CSMD3: variants seen among roughly 807,000 people sequenced by gnomAD.
CSMD3 encodes the protein CUB and sushi domain-containing protein 3.
CSMD3 carries 177 observed loss-of-function variants against 435.2 expected under a neutral mutation model. The ratio of observed to expected loss-of-function variants is 0.41; its 90% CI spans 0.36 to 0.46. The LOEUF (loss-of-function observed/expected upper bound fraction) is 0.46. Among genes scored for constraint, CSMD3 ranks in the 20% least tolerant of loss-of-function variants. The pLI is 0.34. For synonymous variants in CSMD3, 1,656 were observed against 1,520.5 expected, an observed-to-expected ratio of 1.09 and a Z score of -2.07; for missense variants, 4,265 against 4,504.6, an observed-to-expected ratio of 0.95 and a Z score of 1.52.
chr8:113,385,109 G>A (rs1183413673), intron 1 of CSMD3, among the ~76,000 whole-genome samples: 2 of 152,024 alleles, frequency 1.3e-5, no homozygotes, highest in Non-Finnish European at 2.9e-5. Flanking sequence ...TAATTCAAAA[G>A]TCAATTACCA....
At chr8:112,833,604 G>T (rs2079939521) in intron 11 of CSMD3, among the ~76,000 whole-genome samples, 2 of 151,644 alleles carry the variant, frequency 1.3e-5, no homozygotes, top group South Asian at 4.1e-4. Context: ...TGGATATCTG[G>T]TAAAATGTTT....
rs765968826 is a variant in CSMD3, at chr8:112,234,493, A to G, written c.10628-16T>C. ...TTATATACCCCTGTAAAATGCAAGGACATTTTAGTCTACTTAACTTTGTAA... is the reference window on the plus strand; with the variant it reads ...TTATATACCCCTGTAAAATGCAAGGGCATTTTAGTCTACTTAACTTTGTAA... On this transcript the variant is annotated splice_polypyrimidine_tract_variant and intron_variant, in intron 67 of 70. Coordinates refer to ENST00000297405, the MANE Select transcript of CSMD3 (RefSeq NM_198123.2). 1.5e-6 allele frequency: 2 copies of G among 1,376,268 alleles called. No homozygotes were observed. The highest frequency in any genetic ancestry group is 2.1e-6 in the Non-Finnish European group (2 of 963,578). 85.3% of individuals were successfully genotyped at this position (1,376,268 alleles called of 1,614,324 possible).
intron 7 of CSMD3, among the ~76,000 whole-genome samples, chr8:112,958,602 T>C (rs754916173): frequency 1.2e-4 from 19 of 152,168 alleles, no homozygotes; most frequent in Non-Finnish European, 2.2e-4. Flanking sequence ...AAAAAAGATA[T>C]TGATTGACTC....
chr8:112,312,935 A>G (rs142904527), intron 49 of CSMD3, among the ~76,000 whole-genome samples: 28 of 152,268 alleles, frequency 1.8e-4, no homozygotes, highest in African/African-American at 6.7e-4. Context: ...TACCAATGAC[A>G]CATGATTTGG....
chr8:113,223,575 G>A (rs2092993675), intron 3 of CSMD3, among the ~76,000 whole-genome samples: 1 of 149,206 alleles, frequency 6.7e-6, no homozygotes, highest in South Asian at 2.1e-4. Flanking sequence ...ATGCTGACAT[G>A]GAGAAGTTTC....
intron 16 of CSMD3, among the ~76,000 whole-genome samples, chr8:112,668,794 G>A (rs182395515): frequency 5.3e-4 from 81 of 151,536 alleles, no homozygotes; most frequent in Non-Finnish European, 9.6e-4. Flanking sequence ...TATATGGGTC[G>A]GTCAGCAAAA....
At chr8:112,681,714 A>G (rs1233520128) in intron 16 of CSMD3, among the ~76,000 whole-genome samples, 1 of 152,098 alleles carries the variant, frequency 6.6e-6, no homozygotes, top group Non-Finnish European at 1.5e-5. Flanking sequence ...AAAAATACAA[A>G]AAATTAGCTG....
intron 13 of CSMD3, among the ~76,000 whole-genome samples, chr8:112,704,171 G>A (rs1417244337): frequency 6.6e-6 from 1 of 150,542 alleles, no homozygotes; most frequent in African/African-American, 2.4e-5. Context: ...TTAGAAACAG[G>A]CTCTCACTAT....
chr8:112,431,368 T>C (rs374445921), intron 32 of CSMD3, among the ~76,000 whole-genome samples: 9 of 152,044 alleles, frequency 5.9e-5, no homozygotes, highest in East Asian at 3.8e-4. Flanking sequence ...ACTGGCAATA[T>C]AAAAAATAGG....
chr8:113,089,218 T>C (rs1238763231), intron 5 of CSMD3, among the ~76,000 whole-genome samples: 3 of 152,172 alleles, frequency 2.0e-5, no homozygotes, highest in African/African-American at 7.2e-5. Context: ...CACTCTTGGT[T>C]TTCCTCTTTT....
chr8:113,384,837 G>A (rs1359446607), intron 1 of CSMD3, among the ~76,000 whole-genome samples: 1 of 152,086 alleles, frequency 6.6e-6, no homozygotes, highest in Non-Finnish European at 1.5e-5. Flanking sequence ...GAACCCAGTG[G>A]AAAGTCACCT....
intron 22 of CSMD3, among the ~76,000 whole-genome samples, chr8:112,614,227 C>T (rs1361651100): frequency 2.0e-5 from 3 of 152,058 alleles, no homozygotes; most frequent in Non-Finnish European, 4.4e-5. Context: ...AACCCTGCAG[C>T]TGGAGTGCCC....
intron 31 of CSMD3, among the ~76,000 whole-genome samples, chr8:112,480,731 C>T (rs1380182443): frequency 6.6e-6 from 1 of 152,080 alleles, no homozygotes; most frequent in Non-Finnish European, 1.5e-5. Flanking sequence ...CATGGCAGAC[C>T]ACATTTCCTG....
chr8:112,373,674 C>G (rs1193992606), intron 38 of CSMD3, among the ~76,000 whole-genome samples: 3 of 152,042 alleles, frequency 2.0e-5, no homozygotes, highest in Admixed American at 6.6e-5. Flanking sequence ...AACAAATGAA[C>G]AGATTCTTGA....
intron 10 of CSMD3, among the ~76,000 whole-genome samples, chr8:112,860,535 C>T (rs1044901513): frequency 1.3e-5 from 2 of 151,668 alleles, no homozygotes; most frequent in African/African-American, 2.4e-5. Flanking sequence ...TCCCCTTTCA[C>T]TCTTCAAAAT....
At chr8:112,408,766 T>G (rs1399727246) in intron 33 of CSMD3, among the ~76,000 whole-genome samples, 153 bp downstream of exon 33, 1 of 152,016 alleles carries the variant, frequency 6.6e-6, no homozygotes, top group African/African-American at 2.4e-5. Context: ...TGAGTTAATT[T>G]TGTTTCTATT....
At chr8:112,400,781 G>C (rs1043454570) in intron 35 of CSMD3, among the ~76,000 whole-genome samples, 1 of 152,082 alleles carries the variant, frequency 6.6e-6, no homozygotes, top group African/African-American at 2.4e-5. Flanking sequence ...TTTTTATATA[G>C]ATTTTTATTT....
rs1821695640 is a variant in CSMD3 at position 112,308,931 on chromosome 8, T to A, written c.7885+2047A>T. Among the ~76,000 whole-genome samples, 4 of 152,006 alleles carry A rather than the reference T, an allele frequency of 2.6e-5. No homozygotes were observed. In the South Asian group the frequency reaches 8.3e-4, roughly 31 times the overall value. On this transcript the variant is annotated intron_variant, in intron 50 of 70. Coordinates refer to ENST00000297405, the MANE Select transcript of CSMD3 (RefSeq NM_198123.2). ...GCATTATGCAAATAGCTCTTCCAAA[T>A]GACATACAAACATTTCATTTCAATT...
At chr8:112,993,756 AT>A (rs984952797) in intron 6 of CSMD3, among the ~76,000 whole-genome samples, 2 of 151,706 alleles carry the variant, frequency 1.3e-5, no homozygotes, top group African/African-American at 4.8e-5. Context: ...ATACAAGTAT[AT>A]TTTTTAAGGC....
Sources: gnomAD v4.1 joint callset for allele counts (sites outside exome capture counted in the v4.1 genomes callset) on GRCh38, gnomAD v4.1.1 for gene constraint, MANE v1.5 for transcripts, NCBI Gene and HGNC (gene_info 2026-07-23, HGNC 2026-07-21) for gene names.